The following SHISA9 variants were observed in gnomAD, a reference collection of about 807,000 sequenced individuals.
SHISA9 encodes protein shisa-9.
SHISA9 carries 13 observed loss-of-function variants against 38.0 expected under a neutral mutation model. The observed-to-expected ratio is 0.34, with a 90% confidence interval of 0.22 to 0.54. The LOEUF (loss-of-function observed/expected upper bound fraction) is 0.54. Among genes scored for constraint, SHISA9 ranks in the 20% least tolerant of loss-of-function variants. The pLI, the probability that SHISA9 is intolerant of heterozygous loss-of-function variation, is 0.91. For synonymous variants in SHISA9, 275 were observed against 242.0 expected, an observed-to-expected ratio of 1.14 and a Z score of -1.27; for missense variants, 538 against 575.8, an observed-to-expected ratio of 0.93 and a Z score of 0.67.
intron 2 of SHISA9, among the ~76,000 whole-genome samples, chr16:12,918,625 G>A (rs1313716526): frequency 6.6e-6 from 1 of 152,144 alleles, no homozygotes; most frequent in African/African-American, 2.4e-5. Context: ...GAAGTCTCTT[G>A]CGCCAGGCTG....
chr16:13,395,134 G>A, the SHISA9 span, among the ~76,000 whole-genome samples: 1 of 152,136 alleles, frequency 6.6e-6, no homozygotes, highest in African/African-American at 2.4e-5. Flanking sequence ...CAGGTTTCAT[G>A]AATATGCAGA....
At chr16:13,119,335 T>C (rs1477682111) in intron 2 of SHISA9, among the ~76,000 whole-genome samples, 2 of 152,234 alleles carry the variant, frequency 1.3e-5, no homozygotes, top group Admixed American at 6.5e-5. Context: ...TTGAATACAC[T>C]GTTCCTTTTA....
At chr16:13,019,917 T>C (rs1314632539) in intron 2 of SHISA9, among the ~76,000 whole-genome samples, 1 of 84,372 alleles carries the variant, frequency 1.2e-5, no homozygotes, top group Non-Finnish European at 2.7e-5. Flanking sequence ...CTTTCTTTCT[T>C]TCTTTCTTTC....
chr16:13,096,954 G>A (rs2073834102), intron 2 of SHISA9, among the ~76,000 whole-genome samples: 1 of 151,788 alleles, frequency 6.6e-6, no homozygotes, highest in Non-Finnish European at 1.5e-5. Flanking sequence ...ATTCCTACTG[G>A]GCTCCATTTC....
At chr16:13,111,642 G>T (rs2073979347) in intron 2 of SHISA9, among the ~76,000 whole-genome samples, 1 of 152,124 alleles carries the variant, frequency 6.6e-6, no homozygotes, top group Non-Finnish European at 1.5e-5. Flanking sequence ...TTATTATTAA[G>T]ATAATTTTCT....
rs1387550620 is a variant in SHISA9 at position 13,235,135 on chromosome 16, G to T, written c.1001G>T (p.Arg334Leu). 1.3e-6 allele frequency: 2 copies of T among 1,551,536 alleles called. No individual in the cohort carries two copies. The highest frequency in any genetic ancestry group is 8.7e-7 in the Non-Finnish European group (1 of 1,146,996). ...LHPVRVEDEP[R>L]AFSPEHGPAK... ...CCCGTAAGAGTGGAGGACGAGCCCC[G>T]GGCCTTCAGCCCTGAGCACGGTCCT... Residue 334 changes from arginine to leucine, a missense_variant, in exon 5 of 5, where the codon CGG becomes CTG. This residue lies in a region of SHISA9 where 326 missense variants were observed against 305.9 expected (regional missense o/e 1.07). Coordinates refer to ENST00000558583, the MANE Select transcript of SHISA9 (RefSeq NM_001145204.3).
At chr16:13,422,142 C>T in the SHISA9 span, among the ~76,000 whole-genome samples, 3 of 152,146 alleles carry the variant, frequency 2.0e-5, no homozygotes, top group Non-Finnish European at 2.9e-5. Context: ...AGGACCAACC[C>T]ACTCGTAAAA....
chr16:12,954,843 T>C (rs116812893), intron 2 of SHISA9, among the ~76,000 whole-genome samples: 2,036 of 152,266 alleles, frequency 0.013, 48 homozygotes, highest in African/African-American at 0.047. Flanking sequence ...TTAAGCAGTA[T>C]GCTATTATCA....
At chr16:12,972,254 T>C (rs997135938) in intron 2 of SHISA9, among the ~76,000 whole-genome samples, 8 of 152,064 alleles carry the variant, frequency 5.3e-5, no homozygotes, top group African/African-American at 1.9e-4. Flanking sequence ...ATATTTTAAT[T>C]AAAAACAGAA....
chr16:13,429,216 G>C, the SHISA9 span, among the ~76,000 whole-genome samples: 1 of 152,082 alleles, frequency 6.6e-6, no homozygotes, highest in Non-Finnish European at 1.5e-5. Flanking sequence ...ATATAGAGGA[G>C]CAAACTTATA....
chr16:12,902,646 G>T lies in SHISA9; in HGVS notation c.563+19G>T, dbSNP rs779436081. The T allele has an allele frequency of 1.3e-6, 2 of 1,526,380 alleles. No individual in the cohort carries two copies. 94.6% of individuals were successfully genotyped at this position (1,526,380 alleles called of 1,614,324 possible). A position where few individuals can be genotyped will look rare whatever the true frequency, so the allele number is the denominator to read the frequency against. The stretch of plus-strand genomic sequence containing the variant: ...TGTCCAGGTGGGCTGCCTCCCCTTC[G>T]CCCTCCCCTCGGGGCTTCGCTCTCC... On this transcript the variant is annotated intron_variant, in intron 1 of 4. Coordinates refer to ENST00000558583, the MANE Select transcript of SHISA9 (RefSeq NM_001145204.3).
chr16:13,205,121 A>G (rs1476779207), intron 3 of SHISA9, among the ~76,000 whole-genome samples: 1 of 152,184 alleles, frequency 6.6e-6, no homozygotes, highest in African/African-American at 2.4e-5. Context: ...CAGGTAAAAT[A>G]TAAGGATGCC....
intron 2 of SHISA9, among the ~76,000 whole-genome samples, chr16:13,198,306 TTG>T (rs2050969432): frequency 6.7e-6 from 1 of 149,622 alleles, no homozygotes; most frequent in Non-Finnish European, 1.5e-5. Flanking sequence ...ACATATATAC[TTG>T]TGTGTATATG....
intron 2 of SHISA9, among the ~76,000 whole-genome samples, chr16:12,930,313 G>A (rs994274857): frequency 1.3e-5 from 2 of 152,162 alleles, no homozygotes; most frequent in Admixed American, 1.3e-4. Flanking sequence ...TATTTCTTGT[G>A]GACTAAACCT....
the SHISA9 span, among the ~76,000 whole-genome samples, chr16:13,357,809 C>T: frequency 2.7e-5 from 4 of 147,040 alleles, 1 homozygote; most frequent in South Asian, 6.6e-4. Flanking sequence ...GAGTGGGGGT[C>T]GCAAGGTGCT....
At chr16:12,936,846 C>T (rs771961426) in intron 2 of SHISA9, among the ~76,000 whole-genome samples, 62 of 152,128 alleles carry the variant, frequency 4.1e-4, no homozygotes, top group Non-Finnish European at 6.6e-4. Context: ...CATATGGCTC[C>T]TGCTTGTTTA....
the SHISA9 span, among the ~76,000 whole-genome samples, chr16:13,493,011 A>C: frequency 1.3e-5 from 2 of 152,204 alleles, no homozygotes; most frequent in Non-Finnish European, 2.9e-5. Flanking sequence ...TCCTGCTGCA[A>C]GAGGATAGAT....
the SHISA9 span, among the ~76,000 whole-genome samples, chr16:13,274,592 A>G: frequency 1.4e-4 from 22 of 152,106 alleles, no homozygotes. Flanking sequence ...CATGGTAGAG[A>G]TAATGTGAGC....
chr16:13,059,761 G>T (rs139971450), intron 2 of SHISA9, among the ~76,000 whole-genome samples: 1 of 152,044 alleles, frequency 6.6e-6, no homozygotes, highest in African/African-American at 2.4e-5. Context: ...GAATGAGGTC[G>T]TTAGGGTAAG....
Sources: allele counts gnomAD v4.1 joint callset (sites outside exome capture counted in the v4.1 genomes callset), GRCh38; gene constraint gnomAD v4.1.1; regional missense constraint gnomAD v4.1.1; transcripts MANE v1.5; gene names NCBI Gene and HGNC (gene_info 2026-07-23, HGNC 2026-07-21).